Variants in IGDCC4 observed in about 807,000 individuals in gnomAD.
IGDCC4 encodes immunoglobulin superfamily DCC subclass member 4, also known as likely ortholog of mouse neighbor of Punc E11.
IGDCC4 carries 72 observed loss-of-function variants against 116.6 expected under a neutral mutation model. That is an observed-to-expected ratio of 0.62 (90% CI 0.51 to 0.75). IGDCC4 has a LOEUF of 0.75. Among genes scored for constraint, IGDCC4 ranks in the 30% least tolerant of loss-of-function variants. The probability of loss-of-function intolerance (pLI) is 0.00; values close to 1 mark genes in which losing one functional copy is unlikely to be tolerated. For synonymous variants in IGDCC4, 709 were observed against 719.9 expected, an observed-to-expected ratio of 0.98 and a Z score of 0.24; for missense variants, 1,501 against 1,662.4, an observed-to-expected ratio of 0.90 and a Z score of 1.69.
At position 65,422,922 on chromosome 15, in the gene IGDCC4, G is replaced by A. The variant is rs923093259; in HGVS notation, c.-60C>T. On this transcript the variant is annotated 5_prime_UTR_variant, in exon 1 of 20. Transcript: ENST00000352385. ...CTCCCCGTGCTTCGGCCGCCGCCGC[G>A]GGGGGAGAGCGCGCCGGGCGTCAGT... The A allele has an allele frequency of 1.4e-5, 14 of 968,548 alleles. No homozygotes were observed. The highest frequency in any genetic ancestry group is 3.6e-5 in the African/African-American group (2 of 56,314). 60.0% of individuals were successfully genotyped at this position (968,548 alleles called of 1,614,324 possible).
At chr15:65,389,622 C>A (rs1393488088) in intron 13 of IGDCC4, among the ~76,000 whole-genome samples, 1 of 152,186 alleles carries the variant, frequency 6.6e-6, no homozygotes, top group Non-Finnish European at 1.5e-5. Context: ...CGAAACCAGA[C>A]CCCTTCCTCC....
rs2063092530 is a variant in IGDCC4 at position 65,411,368 on chromosome 15, C to G, written c.73G>C (p.Glu25Gln). The change falls in exon 2 of 20, where the codon GAG becomes CAG. Residue 25 changes from glutamate (E) to glutamine (Q), a missense_variant and splice_region_variant. By Grantham distance (29) the Glu-to-Gln change is conservative. This residue lies in a region of IGDCC4 where 898 missense variants were observed against 978.9 expected (regional missense o/e 0.92). Transcript: ENST00000352385. ...GTCGTCTCCTGGGGCAACAGCAGCT[C>G]CCCTGCATAGAGGAGGAGCACGGGG... Reference protein sequence around the residue: ...LTFCLLAARGELLLPQETTVE... With the variant: ...LTFCLLAARGQLLLPQETTVE... 6.4e-7 allele frequency: 1 copy of G among 1,563,812 alleles called. No homozygotes were observed. The highest frequency in any genetic ancestry group is 1.8e-5 in the Admixed American group (1 of 56,530).
chr15:65,393,664 ACCCC>A lies in IGDCC4; in HGVS notation c.1715-137_1715-134del. The A allele has an allele frequency of 4.7e-6, 4 of 856,498 alleles. No homozygotes were observed. Among genetic ancestry groups the A allele is most frequent in the Non-Finnish European group, 7.0e-6 (4 of 573,934 alleles). 53.1% of individuals were successfully genotyped at this position (856,498 alleles called of 1,614,324 possible). On this transcript the variant is annotated intron_variant, in intron 9 of 19. Coordinates refer to ENST00000352385, the MANE Select transcript of IGDCC4 (RefSeq NM_020962.3). The surrounding 1 kb of genome is among the most constrained non-coding windows in gnomAD (Gnocchi z 4.6). The stretch of plus-strand genomic sequence containing the variant: ...GGAGCCTGAGGCGTTCTCAGCACTG[ACCCC>A]TCAGTGCCTGGGCAGATTCTATGGC...
At chr15:65,394,672 G>C (rs1443977498) in intron 8 of IGDCC4, 124 bp from the exon 9 acceptor site, 13 of 937,686 alleles carry the variant, frequency 1.4e-5, no homozygotes, top group Non-Finnish European at 1.7e-5. Flanking sequence ...AGGATCTGAG[G>C]GAGGAAAGGG....
chr15:65,405,149 A>G (rs1030334114), intron 3 of IGDCC4, among the ~76,000 whole-genome samples: 2 of 151,902 alleles, frequency 1.3e-5, no homozygotes, highest in Non-Finnish European at 2.9e-5. Flanking sequence ...GGAGTAAAAA[A>G]ACAGTGTTTA....
chr15:65,395,869 GCGC>G lies in IGDCC4; in HGVS notation c.1289_1291del (p.Ser430_Ala431delinsThr), dbSNP rs2062919555. 6.3e-7 allele frequency: 1 copy of G among 1,582,036 alleles called. No homozygotes were observed. The highest frequency in any genetic ancestry group is 1.7e-5 in the Admixed American group (1 of 58,360). ...TGGCGTAGCAGTGACCCGCGTGGGG[GCGC>G]TGGGCAGCCCCTCGCGCACCACCAC... On this transcript the variant is annotated inframe_deletion, in exon 7 of 20. Coordinates refer to ENST00000352385, the MANE Select transcript of IGDCC4 (RefSeq NM_020962.3).
At chr15:65,391,849 C>G in intron 12 of IGDCC4, 31 bp downstream of exon 12, 1 of 1,591,322 alleles carries the variant, frequency 6.3e-7, no homozygotes, top group Non-Finnish European at 8.6e-7. Context: ...TCACCTGAGC[C>G]CTCCCCGCCT....
chr15:65,422,519 A>ACAC (rs1555438300), intron 1 of IGDCC4, among the ~76,000 whole-genome samples: 1 of 131,224 alleles, frequency 7.6e-6, no homozygotes, highest in Non-Finnish European at 1.6e-5. Flanking sequence ...GAGCACTCCC[A>ACAC]ACACACACAC....
At chr15:65,419,611 C>T (rs1364592623) in intron 1 of IGDCC4, among the ~76,000 whole-genome samples, 1 of 152,038 alleles carries the variant, frequency 6.6e-6, no homozygotes, top group Non-Finnish European at 1.5e-5. Flanking sequence ...AGAGGCCCAC[C>T]CCAAATGACT....
chr15:65,396,099 G>A lies in IGDCC4; in HGVS notation c.1062C>T (p.Phe354=), dbSNP rs1033134454. 1.4e-5 allele frequency: 20 copies of A among 1,397,992 alleles called. No individual in the cohort carries two copies. The highest frequency in any genetic ancestry group is 2.4e-4 in the Middle Eastern group (1 of 4,222). The allele number at this position is 1,397,992 out of a possible 1,614,324, so 86.6% of individuals were successfully genotyped here. A position where few individuals can be genotyped will look rare whatever the true frequency, so the allele number is the denominator to read the frequency against. ...LSRTRASTAR[F]VCRASGEPRP... ...GCGGCTCCCCCGACGCGCGGCACACGAAGCGCGCTGTGCTCGCCCGCGTCC... is the reference window on the plus strand; with the variant it reads ...GCGGCTCCCCCGACGCGCGGCACACAAAGCGCGCTGTGCTCGCCCGCGTCC... Residue 354 remains phenylalanine, a synonymous_variant, in exon 7 of 20, where the codon TTC becomes TTT. Coordinates refer to ENST00000352385, the MANE Select transcript of IGDCC4 (RefSeq NM_020962.3).
At chr15:65,400,757 C>A in intron 5 of IGDCC4, 49 bp downstream of exon 5, 1 of 1,548,378 alleles carries the variant, frequency 6.5e-7, no homozygotes, top group East Asian at 2.3e-5. Flanking sequence ...ATGTGAGATG[C>A]CACATCCCTC....
intron 1 of IGDCC4, among the ~76,000 whole-genome samples, chr15:65,411,746 G>A (rs1193144618): frequency 1.3e-5 from 2 of 152,210 alleles, no homozygotes; most frequent in African/African-American, 4.8e-5. Context: ...GCCACATTTT[G>A]CATGATCTCA....
rs142796011 is a variant in IGDCC4, at chr15:65,388,902, G to C, written c.2613C>G (p.Pro871=). The part of the protein sequence containing the change: ...PSTVRLHWCP[P]TEPNGEIVEY... Reference sequence around the variant, plus strand: ...CCACGATCTCCCCGTTGGGCTCTGTGGGGGGGCACCAGTGCAGCCGAACCG... The same window carrying C: ...CCACGATCTCCCCGTTGGGCTCTGTCGGGGGGCACCAGTGCAGCCGAACCG... The change falls in exon 15 of 20, where the codon CCC becomes CCG. Residue 871 remains proline, a synonymous_variant. Transcript: ENST00000352385. 28 of 1,613,500 alleles carry C rather than the reference G, an allele frequency of 1.7e-5. No homozygotes were observed. The African/African-American group carries it at 1.9e-4, about 11-fold the overall frequency.
At position 65,381,525 on chromosome 15, in the gene IGDCC4, C is replaced by T. The variant is rs1318458643; in HGVS notation, c.*2484G>A. ...TATTAATTCATTATAAGGACAGATA[C>T]ATGAATCAATGCCTTAGCTTAACAC... On this transcript the variant is annotated 3_prime_UTR_variant, in exon 20 of 20. Coordinates refer to ENST00000352385, the MANE Select transcript of IGDCC4 (RefSeq NM_020962.3). The T allele has an allele frequency of 6.6e-6, 1 of 151,850 alleles. No homozygotes were observed. Among genetic ancestry groups the T allele is most frequent in the Non-Finnish European group, 1.5e-5 (1 of 67,998 alleles). The allele number at this position is 151,850 out of a possible 1,614,324, so 9.4% of individuals were successfully genotyped here. A position where few individuals can be genotyped will look rare whatever the true frequency, so the allele number is the denominator to read the frequency against.
chr15:65,398,771 G>A (rs1037397905), intron 5 of IGDCC4, among the ~76,000 whole-genome samples: 32 of 151,780 alleles, frequency 2.1e-4, no homozygotes, highest in African/African-American at 6.8e-4. Context: ...GGTGCCTGTA[G>A]TCCCAGCTAC....
chr15:65,384,721 C>G lies in IGDCC4; in HGVS notation c.3342+233G>C, dbSNP rs554587823. The G allele has an allele frequency of 1.8e-6, 1 of 559,952 alleles. No individual in the cohort carries two copies. Among genetic ancestry groups the G allele is most frequent in the East Asian group, 3.3e-5 (1 of 30,162 alleles). 34.7% of individuals were successfully genotyped at this position (559,952 alleles called of 1,614,324 possible). The stretch of plus-strand genomic sequence containing the variant: ...CCTCAGATCCACGGAACTGCTGTGG[C>G]CCACTTAGGTCTGGGTAGAGGAGGG... On this transcript the variant is annotated intron_variant, in intron 19 of 19. Coordinates refer to ENST00000352385, the MANE Select transcript of IGDCC4 (RefSeq NM_020962.3). This position sits in a 1 kb window ranked among gnomAD's most constrained non-coding sequence, Gnocchi z 4.9.
At position 65,388,540 on chromosome 15, in the gene IGDCC4, C is replaced by T. The variant is rs745357948; in HGVS notation, c.2754G>A (p.Arg918=). 2 of 1,614,034 alleles carry T rather than the reference C, an allele frequency of 1.2e-6. No homozygotes were observed. The highest frequency in any genetic ancestry group is 1.1e-5 in the South Asian group (1 of 91,094). Reference sequence around the variant, plus strand: ...TGCGCGCCCCCATCTTGAAGAAGTACCGAGTGTCGCTCTCCAGGCCATGGA... The same window carrying T: ...TGCGCGCCCCCATCTTGAAGAAGTATCGAGTGTCGCTCTCCAGGCCATGGA... The part of the protein sequence containing the change: ...AEVHGLESDT[R]YFFKMGARTE... Residue 918 remains arginine (R), a synonymous_variant, in exon 16 of 20, where the codon CGG becomes CGA. Coordinates refer to ENST00000352385, the MANE Select transcript of IGDCC4 (RefSeq NM_020962.3).
chr15:65,394,388 G>A (rs780677220), intron 9 of IGDCC4, 23 bp downstream of exon 9: 7 of 1,612,196 alleles, frequency 4.3e-6, no homozygotes, highest in Non-Finnish European at 5.9e-6. Flanking sequence ...ATACATGCCT[G>A]CAGCCCACCC....
rs759114261 is a variant in IGDCC4 at position 65,384,612 on chromosome 15, C to T, written c.3343-193G>A. ...TGATGGAATACTTCCCATTTGCCCT[C>T]ATCCAGGAGTTTCAGGAGTACCAGA... On this transcript the variant is annotated intron_variant, in intron 19 of 19. Transcript: ENST00000352385. The surrounding 1 kb of genome is among the most constrained non-coding windows in gnomAD (Gnocchi z 4.9). Among the ~76,000 whole-genome samples, 11 of 152,162 alleles carry T rather than the reference C, an allele frequency of 7.2e-5. No individual in the cohort carries two copies. Among genetic ancestry groups the T allele is most frequent in the Non-Finnish European group, 1.2e-4 (8 of 68,018 alleles).
Sources: allele counts gnomAD v4.1 joint callset (sites outside exome capture counted in the v4.1 genomes callset), GRCh38; gene constraint gnomAD v4.1.1; regional missense constraint gnomAD v4.1.1; non-coding constraint Gnocchi (gnomAD v3.1); transcripts MANE v1.5; gene names NCBI Gene and HGNC (gene_info 2026-07-23, HGNC 2026-07-21).